Variants in RIN3 observed in about 807,000 individuals in gnomAD.
RIN3 encodes the protein RAB5 interacting protein 3.
A neutral mutation model predicts 76.3 loss-of-function variants in RIN3; 54 were observed. The ratio of observed to expected loss-of-function variants is 0.71; its 90% CI spans 0.57 to 0.89. The LOEUF (loss-of-function observed/expected upper bound fraction) is 0.89, where lower values mean the gene tolerates loss of function less well. RIN3 is among the 40% of genes least tolerant of loss of function. The probability of loss-of-function intolerance (pLI) is 0.00; values close to 1 mark genes in which losing one functional copy is unlikely to be tolerated. For synonymous variants in RIN3, 576 were observed against 564.0 expected (o/e 1.02, Z -0.30); for missense variants, 1,256 against 1,322.1 (o/e 0.95, Z 0.78).
At chr14:92,515,034 T>C in intron 1 of RIN3, 4 of 497,766 alleles carry the variant, frequency 8.0e-6, no homozygotes, top group Non-Finnish European at 1.4e-5. Flanking sequence ...GGGCCCATCT[T>C]GTGCAGTCCT....
At chr14:92,637,190 A>T (rs2140126647) in intron 4 of RIN3, among the ~76,000 whole-genome samples, 1 of 152,192 alleles carries the variant, frequency 6.6e-6, no homozygotes, top group South Asian at 2.1e-4. Context: ...ACCATCATGT[A>T]GTACCAATGG....
chr14:92,599,795 G>A (rs1885280574), intron 3 of RIN3, among the ~76,000 whole-genome samples: 2 of 152,162 alleles, frequency 1.3e-5, no homozygotes, highest in African/African-American at 4.8e-5. Context: ...TTCCACCTCT[G>A]TTCTTAGAGA....
intron 3 of RIN3, among the ~76,000 whole-genome samples, chr14:92,595,231 G>C: frequency 6.6e-6 from 1 of 152,214 alleles, no homozygotes; most frequent in East Asian, 1.9e-4. Context: ...AAGGAAAAAA[G>C]AGAGGGTTGC....
chr14:92,642,829 C>T (rs778651684), intron 5 of RIN3, among the ~76,000 whole-genome samples: 11 of 152,164 alleles, frequency 7.2e-5, no homozygotes, highest in Non-Finnish European at 1.3e-4. Context: ...TGGGTGTTAG[C>T]GCTCCATGAG....
rs558521654 is a variant in RIN3, at chr14:92,610,203, C to T, written c.368-5204C>T. Among the ~76,000 whole-genome samples, 18 of 152,100 alleles carry T rather than the reference C, an allele frequency of 1.2e-4. No homozygotes were observed. The East Asian group carries it at 3.3e-3, about 28-fold the overall frequency. ...GTAGCAGCGTGAATGTACTCAATGC[C>T]ACTGAACTGTACACTTAAAAATGGT... On this transcript the variant is annotated intron_variant, in intron 3 of 9. Coordinates refer to ENST00000216487, the MANE Select transcript of RIN3 (RefSeq NM_024832.5).
intron 3 of RIN3, among the ~76,000 whole-genome samples, chr14:92,605,838 G>T (rs1885506920): frequency 6.6e-6 from 1 of 152,116 alleles, no homozygotes; most frequent in South Asian, 2.1e-4. Flanking sequence ...CTGGTTAAAG[G>T]CCCACAATTC....
intron 1 of RIN3, among the ~76,000 whole-genome samples, chr14:92,525,098 C>G (rs928408840): frequency 3.9e-5 from 6 of 152,208 alleles, no homozygotes; most frequent in Admixed American, 1.3e-4. Flanking sequence ...GCTGAACTTT[C>G]ATTCTCTTGC....
chr14:92,588,214 CTTTTTTTTTTTTT>C (rs141155255), intron 3 of RIN3, among the ~76,000 whole-genome samples: 5 of 58,760 alleles, frequency 8.5e-5, no homozygotes, highest in South Asian at 1.4e-3. Context: ...CCATAGCACT[CTTTTTTTTTTTTT>C]TTTTTTTTTT....
chr14:92,569,014 C>T (rs1173246827), intron 2 of RIN3, among the ~76,000 whole-genome samples: 1 of 152,242 alleles, frequency 6.6e-6, no homozygotes, highest in Non-Finnish European at 1.5e-5. Context: ...TGAGTGATAC[C>T]AGTCCTGGTG....
chr14:92,625,827 T>A (rs1886332325), intron 4 of RIN3, among the ~76,000 whole-genome samples: 1 of 152,168 alleles, frequency 6.6e-6, no homozygotes, highest in South Asian at 2.1e-4. Context: ...ATAGCATAAG[T>A]TTCATTTTTT....
At chr14:92,651,163 C>A (rs557945983) in intron 5 of RIN3, among the ~76,000 whole-genome samples, 1 of 152,118 alleles carries the variant, frequency 6.6e-6, no homozygotes, top group Non-Finnish European at 1.5e-5. Flanking sequence ...AACCACCTGC[C>A]CCAGAGCACC....
intron 2 of RIN3, among the ~76,000 whole-genome samples, chr14:92,559,593 G>A (rs1414815963): frequency 3.9e-5 from 6 of 152,246 alleles, no homozygotes; most frequent in African/African-American, 1.4e-4. Context: ...GGTGGGGTTA[G>A]CTAAGTGCTC....
At chr14:92,683,133 C>G (rs1888726429) in intron 8 of RIN3, among the ~76,000 whole-genome samples, 1 of 151,886 alleles carries the variant, frequency 6.6e-6, no homozygotes, top group African/African-American at 2.4e-5. Context: ...CGCCATTGCA[C>G]TGCAGCCTGG....
At chr14:92,626,136 A>G (rs553667417) in intron 4 of RIN3, among the ~76,000 whole-genome samples, 90 of 152,272 alleles carry the variant, frequency 5.9e-4, no homozygotes, top group African/African-American at 2.1e-3. Flanking sequence ...TGACTCCCGA[A>G]TTCCTTTAAT....
chr14:92,609,584 G>T (rs1392991252), intron 3 of RIN3, among the ~76,000 whole-genome samples: 1 of 152,226 alleles, frequency 6.6e-6, no homozygotes, highest in Admixed American at 6.5e-5. Context: ...GCAGAAGCGG[G>T]TGCTGGACGG....
rs1021529717 is a variant in RIN3 at position 92,656,066 on chromosome 14, A to C, written c.2026+2991A>C. Among the ~76,000 whole-genome samples, 6 of 152,188 alleles carry C rather than the reference A, an allele frequency of 3.9e-5. No individual in the cohort carries two copies. Among genetic ancestry groups the C allele is most frequent in the African/African-American group, 1.4e-4 (6 of 41,464 alleles). ...CAGGCACCGTGCAGACCAGGAGGAC[A>C]CAGAAGGGCATGGGAGGACGTGGAA... On this transcript the variant is annotated intron_variant, in intron 6 of 9. Coordinates refer to ENST00000216487, the MANE Select transcript of RIN3 (RefSeq NM_024832.5). The surrounding 1 kb of genome is among the most constrained non-coding windows in gnomAD (Gnocchi z 5.2).
intron 8 of RIN3, 131 bp downstream of exon 8, chr14:92,676,737 A>C: frequency 1.0e-6 from 1 of 963,668 alleles, no homozygotes; most frequent in South Asian, 1.5e-5. Flanking sequence ...CCATGGATGC[A>C]AATGTGAATC....
At position 92,659,464 on chromosome 14, in the gene RIN3, A is replaced by G. The variant is rs1046031104; in HGVS notation, c.2330A>G (p.Asn777Ser). 3 of 1,599,670 alleles carry G rather than the reference A, an allele frequency of 1.9e-6. No homozygotes were observed. The highest frequency in any genetic ancestry group is 1.3e-5 in the African/African-American group (1 of 74,624). The change falls in exon 7 of 10, where the codon AAC (asparagine) becomes AGC (serine). Residue 777 changes from asparagine to serine, a missense_variant. Transcript: ENST00000216487. ...ATCTACGACTCCATGGCCCTCGGCAACCCAGGTCAGTGGGCAGCCGGGAGG... is the reference window on the plus strand; with the variant it reads ...ATCTACGACTCCATGGCCCTCGGCAGCCCAGGTCAGTGGGCAGCCGGGAGG... ...KLIYDSMALG[N>S]PGKPYGADDF... is the part of the protein sequence containing the mutation.
intron 7 of RIN3, among the ~76,000 whole-genome samples, chr14:92,675,042 A>G (rs1888414401): frequency 6.6e-6 from 1 of 152,196 alleles, no homozygotes; most frequent in Admixed American, 6.5e-5. Flanking sequence ...TATGTCCCCA[A>G]ATGAAGCCAC....
Sources: allele counts gnomAD v4.1 joint callset (sites outside exome capture counted in the v4.1 genomes callset), GRCh38; gene constraint gnomAD v4.1.1; non-coding constraint Gnocchi (gnomAD v3.1); transcripts MANE v1.5; gene names NCBI Gene and HGNC (gene_info 2026-07-23, HGNC 2026-07-21).